Variants in DLGAP1 observed in about 807,000 individuals in gnomAD.
DLGAP1 encodes the protein disks large-associated protein 1.
DLGAP1 carries 11 observed loss-of-function variants against 90.8 expected under a neutral mutation model. The observed-to-expected ratio is 0.12, with a 90% CI of 0.08 to 0.20. The LOEUF (loss-of-function observed/expected upper bound fraction) is 0.20, where lower values mean the gene tolerates loss of function less well. DLGAP1 is among the 10% of genes least tolerant of loss of function. DLGAP1 has a pLI of 1.00. For missense variants in DLGAP1, 1,050 were observed against 1,333.8 expected, an observed-to-expected ratio of 0.79 and a Z score of 3.31; for synonymous variants, 558 against 540.7, an observed-to-expected ratio of 1.03 and a Z score of -0.44.
intron 7 of DLGAP1, among the ~76,000 whole-genome samples, chr18:3,586,956 G>A (rs564840899): frequency 6.6e-6 from 1 of 152,194 alleles, no homozygotes; most frequent in Non-Finnish European, 1.5e-5. Context: ...CAGCCAATAT[G>A]TTTGTCTTGC....
chr18:4,054,859 T>C (rs1462954628), intron 2 of DLGAP1, among the ~76,000 whole-genome samples: 1 of 152,258 alleles, frequency 6.6e-6, no homozygotes, highest in African/African-American at 2.4e-5. Flanking sequence ...CTTTAGAAAA[T>C]GCATGCTCCT....
In DLGAP1 at chr18:3,580,054, A is replaced by T. The variant is rs1354024346; in HGVS notation, c.1965+1821T>A. 8.8e-6 allele frequency: 6 copies of T among 678,836 alleles called. No homozygotes were observed. In the Admixed American group the frequency reaches 1.1e-4, roughly 12 times the overall value. 42.1% of individuals were successfully genotyped at this position (678,836 alleles called of 1,614,324 possible). A position where few individuals can be genotyped will look rare whatever the true frequency, so the allele number is the denominator to read the frequency against. On this transcript the variant is annotated intron_variant, in intron 8 of 12. Coordinates refer to ENST00000315677, the MANE Select transcript of DLGAP1 (RefSeq NM_004746.4). The stretch of plus-strand genomic sequence containing the variant: ...GAAATGTGCGTTAGGAATTAAAAGC[A>T]CCTCATGTTTGATTGTGTTCATGTT...
intron 1 of DLGAP1, among the ~76,000 whole-genome samples, chr18:4,406,402 C>A (rs2082665697): frequency 6.6e-6 from 1 of 152,152 alleles, no homozygotes; most frequent in South Asian, 2.1e-4. Flanking sequence ...TGCCTCCAGA[C>A]CCTATTCTCC....
intron 1 of DLGAP1, among the ~76,000 whole-genome samples, chr18:4,297,139 T>G (rs939451463): frequency 2.0e-5 from 3 of 152,200 alleles, no homozygotes; most frequent in African/African-American, 7.2e-5. Flanking sequence ...GTTTTTATCT[T>G]CAACAACAGT....
At chr18:4,008,223 A>ATG (rs1312699670) in intron 2 of DLGAP1, among the ~76,000 whole-genome samples, 1 of 142,456 alleles carries the variant, frequency 7.0e-6, no homozygotes, top group Non-Finnish European at 1.5e-5. Flanking sequence ...AAATATATAT[A>ATG]TATACACACA....
At chr18:3,954,923 T>C (rs993348767) in intron 3 of DLGAP1, among the ~76,000 whole-genome samples, 9 of 152,078 alleles carry the variant, frequency 5.9e-5, no homozygotes, top group African/African-American at 1.9e-4. Flanking sequence ...GCGCGCAGAC[T>C]CTCTGAATTT....
intron 1 of DLGAP1, among the ~76,000 whole-genome samples, chr18:4,229,893 G>A: frequency 6.6e-6 from 1 of 152,022 alleles, no homozygotes; most frequent in Non-Finnish European, 1.5e-5. Context: ...GCCCATCTGA[G>A]AAGAGATTAA....
chr18:4,147,912 T>A (rs149728643), intron 2 of DLGAP1, among the ~76,000 whole-genome samples: 23 of 152,318 alleles, frequency 1.5e-4, no homozygotes, highest in African/African-American at 5.3e-4. Context: ...AGTTAAGGTC[T>A]CATGGAACAG....
At chr18:4,268,629 T>A (rs571293255) in intron 1 of DLGAP1, among the ~76,000 whole-genome samples, 1 of 152,326 alleles carries the variant, frequency 6.6e-6, no homozygotes, top group Non-Finnish European at 1.5e-5. Flanking sequence ...TTATGTAATT[T>A]GCAGCAAAAT....
intron 5 of DLGAP1, among the ~76,000 whole-genome samples, chr18:3,759,850 C>T (rs1373668910): frequency 6.6e-6 from 1 of 152,174 alleles, no homozygotes; most frequent in East Asian, 1.9e-4. Flanking sequence ...AGTGGTAAGA[C>T]TGTCACCAGG....
At chr18:4,055,779 TC>T (rs1186335096) in intron 2 of DLGAP1, among the ~76,000 whole-genome samples, 2 of 152,166 alleles carry the variant, frequency 1.3e-5, no homozygotes. Flanking sequence ...CACCCCCATG[TC>T]CCTGTGCCAT....
At chr18:4,422,505 A>C (rs1446283997) in intron 1 of DLGAP1, among the ~76,000 whole-genome samples, 1 of 152,034 alleles carries the variant, frequency 6.6e-6, no homozygotes, top group African/African-American at 2.4e-5. Flanking sequence ...TAAAATAACT[A>C]AAAAGTGAAT....
intron 7 of DLGAP1, among the ~76,000 whole-genome samples, chr18:3,613,623 T>C (rs1347549536): frequency 6.6e-6 from 1 of 152,184 alleles, no homozygotes; most frequent in Admixed American, 6.5e-5. Flanking sequence ...GGCATGAGCC[T>C]GGCTAGGAAG....
chr18:4,074,710 C>G (rs1475489131), intron 2 of DLGAP1, among the ~76,000 whole-genome samples: 1 of 152,064 alleles, frequency 6.6e-6, no homozygotes, highest in Non-Finnish European at 1.5e-5. Flanking sequence ...ACAGTTTAAC[C>G]AATACCGTAA....
intron 5 of DLGAP1, among the ~76,000 whole-genome samples, chr18:3,763,661 T>G (rs892817492): frequency 5.9e-5 from 9 of 151,278 alleles, no homozygotes; most frequent in African/African-American, 2.2e-4. Flanking sequence ...AGGCCTATCT[T>G]TTTTTTTTCT....
At chr18:3,796,842 C>G (rs560158917) in intron 5 of DLGAP1, among the ~76,000 whole-genome samples, 1 of 152,284 alleles carries the variant, frequency 6.6e-6, no homozygotes, top group Admixed American at 6.5e-5. Context: ...GCATCACGAC[C>G]CTTCCATGAG....
intron 1 of DLGAP1, among the ~76,000 whole-genome samples, chr18:4,263,591 G>A (rs1362403840): frequency 6.6e-6 from 1 of 152,144 alleles, no homozygotes; most frequent in African/African-American, 2.4e-5. Context: ...TCCATTAAAT[G>A]TTTAAGTTGA....
intron 1 of DLGAP1, among the ~76,000 whole-genome samples, chr18:4,161,007 G>A (rs2076834561): frequency 6.7e-6 from 1 of 149,716 alleles, no homozygotes; most frequent in Non-Finnish European, 1.5e-5. Flanking sequence ...GTACTCTTCT[G>A]TGTCAGATTT....
At chr18:3,759,256 CCA>C (rs2063849058) in intron 5 of DLGAP1, among the ~76,000 whole-genome samples, 1 of 129,334 alleles carries the variant, frequency 7.7e-6, no homozygotes, top group Admixed American at 7.8e-5. Context: ...TATTGCTCTG[CCA>C]AAAAAAAAAA....
Sources: gnomAD v4.1 joint callset for allele counts (sites outside exome capture counted in the v4.1 genomes callset) on GRCh38, gnomAD v4.1.1 for gene constraint, MANE v1.5 for transcripts, NCBI Gene and HGNC (gene_info 2026-07-23, HGNC 2026-07-21) for gene names.